FAM117B: variants seen among roughly 807,000 people sequenced by gnomAD.
FAM117B encodes family with sequence similarity 117 member B.
A neutral mutation model predicts 52.8 loss-of-function variants in FAM117B; 22 were observed. That is an observed-to-expected ratio of 0.42 (90% CI 0.30 to 0.59). FAM117B has a LOEUF of 0.59. FAM117B is among the 20% of genes least tolerant of loss of function. FAM117B has a pLI of 0.22. For synonymous variants in FAM117B, 309 were observed against 324.1 expected, an observed-to-expected ratio of 0.95 and a Z score of 0.50; for missense variants, 678 against 802.6, an observed-to-expected ratio of 0.84 and a Z score of 1.88.
chr2:202,708,491 A>T (rs1258081296), intron 2 of FAM117B, among the ~76,000 whole-genome samples: 1 of 152,100 alleles, frequency 6.6e-6, no homozygotes, highest in Non-Finnish European at 1.5e-5. Flanking sequence ...GGATATTTCT[A>T]CACCTCTGCT....
intron 1 of FAM117B, among the ~76,000 whole-genome samples, chr2:202,640,309 T>TAC (rs1489365804): frequency 2.2e-4 from 14 of 64,260 alleles, no homozygotes; most frequent in African/African-American, 7.8e-4. Flanking sequence ...TATATATATA[T>TAC]ATATATATAT....
rs142818426 is a variant in FAM117B, at chr2:202,687,860, G to T, written c.602-8021G>T. Among the ~76,000 whole-genome samples, 997 of 152,104 alleles carry T rather than the reference G, an allele frequency of 6.6e-3. 7 individuals carry two copies. The highest frequency in any genetic ancestry group is 0.01 in the Middle Eastern group (3 of 294). On this transcript the variant is annotated intron_variant, in intron 1 of 7. Coordinates refer to ENST00000392238, the MANE Select transcript of FAM117B (RefSeq NM_173511.4). ...GTTAAATCAATCATTTTCTTTCTAG[G>T]ATAAATTATTAATTAGGTACTGCTG...
At chr2:202,713,700 A>T (rs114084990) in intron 2 of FAM117B, among the ~76,000 whole-genome samples, 3,189 of 152,008 alleles carry the variant, frequency 0.021, 129 homozygotes, top group African/African-American at 0.074. Flanking sequence ...AGATTTTGGT[A>T]TGTTGTGTTT....
rs2105800485 is a variant in FAM117B, at chr2:202,759,240, G to A, written c.1338G>A (p.Gly446=). The A allele has an allele frequency of 1.2e-6, 2 of 1,613,868 alleles. No individual in the cohort carries two copies. Among genetic ancestry groups the A allele is most frequent in the East Asian group, 2.2e-5 (1 of 44,880 alleles). The change falls in exon 7 of 8, where the codon GGG becomes GGA. Residue 446 remains glycine, a synonymous_variant. Transcript: ENST00000392238. ...ATGTGTCATTTCTTGCAGAGAATGG[G>A]AACAATTCTCCTTTGCCCAAATATG... ...LLVDPRDKEN[G]NNSPLPKYAT...
At chr2:202,725,804 G>A (rs748595883) in intron 3 of FAM117B, among the ~76,000 whole-genome samples, 3 of 152,086 alleles carry the variant, frequency 2.0e-5, no homozygotes, top group Non-Finnish European at 2.9e-5. Context: ...CATTGGAATT[G>A]CATTCGTTAT....
intron 4 of FAM117B, among the ~76,000 whole-genome samples, chr2:202,730,948 G>A (rs1045940864): frequency 4.6e-5 from 7 of 152,302 alleles, no homozygotes; most frequent in African/African-American, 1.7e-4. Flanking sequence ...CATCAAGAAT[G>A]TGAAAAGATA....
In FAM117B at chr2:202,757,314, G is replaced by T; in HGVS notation, c.1206G>T (p.Arg402Ser). 23 of 1,614,078 alleles carry T rather than the reference G, an allele frequency of 1.4e-5. No individual in the cohort carries two copies. The highest frequency in any genetic ancestry group is 1.9e-5 in the Non-Finnish European group (23 of 1,180,034). The change falls in exon 6 of 8, where the codon AGG becomes AGT. Residue 402 changes from arginine (R) to serine (S), a missense_variant. Around this residue, in one of 3 missense-constraint regions of FAM117B, gnomAD observed 583 missense variants for 644.8 expected, o/e 0.90. Coordinates refer to ENST00000392238, the MANE Select transcript of FAM117B (RefSeq NM_173511.4). ...CACAGACGCCTGGTGGGGCAGACAG[G>T]GGAAGCAACAACAGCAGCCGTTCCC... ...IDTQTPGGAD[R>S]GSNNSSRSQS...
At chr2:202,752,911 A>T (rs1026408556) in intron 4 of FAM117B, among the ~76,000 whole-genome samples, 2 of 152,244 alleles carry the variant, frequency 1.3e-5, no homozygotes, top group Non-Finnish European at 2.9e-5. Flanking sequence ...TGTTAAATAA[A>T]TAAGTCATAT....
intron 4 of FAM117B, among the ~76,000 whole-genome samples, chr2:202,736,391 T>C (rs1574575278): frequency 1.3e-5 from 2 of 152,306 alleles, no homozygotes; most frequent in Middle Eastern, 6.8e-3. Flanking sequence ...GGCCACATGG[T>C]GGTCTGGAGT....
intron 4 of FAM117B, among the ~76,000 whole-genome samples, chr2:202,726,756 C>T (rs1028676537): frequency 2.6e-5 from 4 of 151,788 alleles, no homozygotes; most frequent in South Asian, 2.1e-4. Flanking sequence ...CTGTCTCGGG[C>T]GGGGAACATC....
chr2:202,640,609 C>A (rs1689756532), intron 1 of FAM117B, among the ~76,000 whole-genome samples: 1 of 151,304 alleles, frequency 6.6e-6, no homozygotes, highest in Non-Finnish European at 1.5e-5. Flanking sequence ...ATTACACATT[C>A]AAGGGAATTC....
At position 202,757,386 on chromosome 2, in the gene FAM117B, C is replaced by T. The variant is rs116306529; in HGVS notation, c.1278C>T (p.Ser426=). The T allele has an allele frequency of 8.2e-4, 1,317 of 1,613,968 alleles. 11 individuals are homozygous for T. In the African/African-American group the frequency reaches 0.015, roughly 19 times the overall value. The change falls in exon 6 of 8, where the codon AGC becomes AGT. Residue 426 remains serine, a synonymous_variant. Coordinates refer to ENST00000392238, the MANE Select transcript of FAM117B (RefSeq NM_173511.4). ...TSFLTISNEG[S]EESPCSADDL... ...TCCTCACCATTTCCAATGAAGGTAGCGAGGAGAGTCCTTGCTCAGCGGATG... is the reference window on the plus strand; with the variant it reads ...TCCTCACCATTTCCAATGAAGGTAGTGAGGAGAGTCCTTGCTCAGCGGATG...
chr2:202,716,286 G>A (rs1691055024), intron 2 of FAM117B, among the ~76,000 whole-genome samples: 1 of 151,586 alleles, frequency 6.6e-6, no homozygotes, highest in African/African-American at 2.4e-5. Context: ...TAAATGAAAT[G>A]TGTTTCTTGT....
At chr2:202,722,846 A>G (rs879256964) in intron 2 of FAM117B, among the ~76,000 whole-genome samples, 1 of 151,970 alleles carries the variant, frequency 6.6e-6, no homozygotes, top group Admixed American at 6.6e-5. Context: ...AAAAAAATTC[A>G]TTTGTTAAGG....
At chr2:202,751,088 G>T (rs1359377314) in intron 4 of FAM117B, among the ~76,000 whole-genome samples, 1 of 151,958 alleles carries the variant, frequency 6.6e-6, no homozygotes, top group Non-Finnish European at 1.5e-5. Flanking sequence ...AAAATATAAG[G>T]GCTAAACCCT....
chr2:202,684,961 A>AG (rs1250560029), intron 1 of FAM117B, among the ~76,000 whole-genome samples: 1 of 152,146 alleles, frequency 6.6e-6, no homozygotes, highest in Non-Finnish European at 1.5e-5. Context: ...AGAGAAAAGA[A>AG]GGTAAACCAC....
intron 4 of FAM117B, among the ~76,000 whole-genome samples, chr2:202,745,746 G>A (rs1259809055): frequency 6.6e-6 from 1 of 152,190 alleles, no homozygotes; most frequent in Non-Finnish European, 1.5e-5. Flanking sequence ...AAAGTGAAGG[G>A]ATGGAAAAGG....
At chr2:202,749,710 C>T (rs1015954947) in intron 4 of FAM117B, among the ~76,000 whole-genome samples, 1 of 152,016 alleles carries the variant, frequency 6.6e-6, no homozygotes, top group Non-Finnish European at 1.5e-5. Flanking sequence ...GGGAGGATCA[C>T]TTGAGGCCAG....
chr2:202,675,733 C>G lies in FAM117B; in HGVS notation c.602-20148C>G, dbSNP rs140183165. On this transcript the variant is annotated intron_variant, in intron 1 of 7. Transcript: ENST00000392238. ...GGTGTGGCAGCTCACCCCTGTAATC[C>G]TAGAATTCTGGGAGGCCGAGGTGGG... Among the ~76,000 whole-genome samples, 189 of 152,108 alleles carry G rather than the reference C, an allele frequency of 1.2e-3. 4 individuals carry two copies. The East Asian group carries it at 0.024, about 20-fold the overall frequency.
Sources: allele counts gnomAD v4.1 joint callset (sites outside exome capture counted in the v4.1 genomes callset), GRCh38; gene constraint gnomAD v4.1.1; regional missense constraint gnomAD v4.1.1; transcripts MANE v1.5; gene names NCBI Gene and HGNC (gene_info 2026-07-23, HGNC 2026-07-21).